Variants in POLR1A observed in about 807,000 individuals in gnomAD.
POLR1A encodes DNA-directed RNA polymerase I subunit RPA1.
Under a neutral mutation model 205.3 loss-of-function variants are expected in POLR1A, and 84 were observed. The observed-to-expected ratio is 0.41, with a 90% CI of 0.34 to 0.49. The LOEUF (loss-of-function observed/expected upper bound fraction) is 0.49, where lower values mean the gene tolerates loss of function less well. Ranked by LOEUF, POLR1A falls within the 20% of genes least tolerant of loss-of-function variation. The pLI is 0.22. For synonymous variants in POLR1A, 799 were observed against 863.7 expected, an observed-to-expected ratio of 0.93 and a Z score of 1.31; for missense variants, 1,645 against 2,204.5, an observed-to-expected ratio of 0.75 and a Z score of 5.08.
Position 86,045,696 on chromosome 2 carries a change from G to A in POLR1A, c.2807C>T (p.Pro936Leu). Residue 936 changes from proline to leucine, a missense_variant, in exon 20 of 34, where the codon CCC (proline) becomes CTC (leucine). Pro to Leu is a moderately conservative substitution (Grantham distance 98). This residue lies in a region of POLR1A where 339 missense variants were observed against 415.1 expected (regional missense o/e 0.82). Transcript: ENST00000263857. ...GGTGAACTCATAAGGCTCAAAGCAG[G>A]GCAGTGACTTGCCAGACGCCATCAG... ...PPLMASGKSL[P>L]CFEPYEFTPR... is the part of the protein sequence containing the mutation. 1 of 1,611,084 alleles carries A rather than the reference G, an allele frequency of 6.2e-7. No homozygotes were observed. Among genetic ancestry groups the A allele is most frequent in the Non-Finnish European group, 8.5e-7 (1 of 1,179,302 alleles).
At chr2:86,087,151 G>A (rs1318200208) in intron 6 of POLR1A, among the ~76,000 whole-genome samples, 3 of 152,096 alleles carry the variant, frequency 2.0e-5, no homozygotes, top group Admixed American at 6.5e-5. Context: ...ATACAGTAGG[G>A]CAAATGAAGT....
rs1573808951 is a variant in POLR1A at position 86,045,728 on chromosome 2, T to G, written c.2775A>C (p.Arg925Ser). ...ACTTGCCAGACGCCATCAGCGGGGG[T>G]CTCCGACCTTCCAGTTCAATCTGGC... ...LLGQIELEGR[R>S]PPLMASGKSL... The change falls in exon 20 of 34, where the codon AGA (arginine) becomes AGC (serine). Residue 925 changes from arginine to serine, a missense_variant. Physicochemically the swap from Arg to Ser is moderately radical, Grantham distance 110. Transcript: ENST00000263857. The G allele has an allele frequency of 6.2e-7, 1 of 1,608,078 alleles. No individual in the cohort carries two copies. Among genetic ancestry groups the G allele is most frequent in the Non-Finnish European group, 8.5e-7 (1 of 1,178,762 alleles).
intron 33 of POLR1A, 68 bp from the exon 34 acceptor site, chr2:86,027,591 T>C (rs1672292426): frequency 1.3e-5 from 18 of 1,365,792 alleles, no homozygotes; most frequent in Non-Finnish European, 1.7e-5. Context: ...GAGGTGATTA[T>C]GGGGCTGAAC....
At chr2:86,103,467 T>C (rs1213476616) in intron 1 of POLR1A, among the ~76,000 whole-genome samples, 6 of 152,208 alleles carry the variant, frequency 3.9e-5, no homozygotes, top group Non-Finnish European at 8.8e-5. Context: ...TATTAGAACC[T>C]GGCACAATAA....
chr2:86,044,107 C>T (rs200714848), intron 22 of POLR1A, 32 bp downstream of exon 22: 63 of 1,608,712 alleles, frequency 3.9e-5, no homozygotes, highest in East Asian at 1.8e-4. Context: ...GCCTACTGCT[C>T]GGCCCCCAGG....
intron 15 of POLR1A, 117 bp from the exon 16 acceptor site, chr2:86,053,117 A>C: frequency 1.9e-6 from 1 of 539,030 alleles, no homozygotes; most frequent in Middle Eastern, 4.9e-4. Flanking sequence ...TGACCCGCCT[A>C]GAATCCTTCA....
At chr2:86,097,961 T>C (rs1051128967) in intron 3 of POLR1A, among the ~76,000 whole-genome samples, 3 of 152,222 alleles carry the variant, frequency 2.0e-5, no homozygotes, top group African/African-American at 7.2e-5. Flanking sequence ...CTGATCACTA[T>C]ACACTGTCTG....
At chr2:86,078,464 T>C (rs889216763) in intron 9 of POLR1A, among the ~76,000 whole-genome samples, 180 bp from the exon 10 acceptor site, 2 of 152,240 alleles carry the variant, frequency 1.3e-5, no homozygotes, top group Admixed American at 1.3e-4. Flanking sequence ...TACATGTCAA[T>C]AAGACATATC....
chr2:86,047,809 G>C (rs763863129), intron 18 of POLR1A, among the ~76,000 whole-genome samples: 8 of 152,204 alleles, frequency 5.3e-5, no homozygotes, highest in African/African-American at 1.9e-4. Flanking sequence ...TGAGAAGGGG[G>C]CTCTGAGTCT....
rs373607912 is a variant in POLR1A at position 86,030,310 on chromosome 2, C to T, written c.4665G>A (p.Ala1555=). The part of the protein sequence containing the change: ...VSLAHGAVIY[A]TKGITRCLLN... The stretch of plus-strand genomic sequence containing the variant: ...GGAGGCACCGAGTGATGCCCTTGGT[C>T]GCATAGATGACGGCACCATGGGCCA... The change falls in exon 31 of 34, where the codon GCG becomes GCA. Residue 1555 remains alanine, a synonymous_variant. Coordinates refer to ENST00000263857, the MANE Select transcript of POLR1A (RefSeq NM_015425.6). 43 of 1,613,782 alleles carry T rather than the reference C, an allele frequency of 2.7e-5. No individual in the cohort carries two copies. Among genetic ancestry groups the T allele is most frequent in the Middle Eastern group, 1.6e-4 (1 of 6,084 alleles).
chr2:86,053,130 GA>G (rs555825585), intron 15 of POLR1A, 130 bp from the exon 16 acceptor site: 221 of 462,264 alleles, frequency 4.8e-4, no homozygotes, highest in Non-Finnish European at 6.9e-4. Flanking sequence ...ATCCTTCATG[GA>G]AAAAAGTAGG....
chr2:86,097,480 T>C (rs1477176912), intron 3 of POLR1A, among the ~76,000 whole-genome samples: 3 of 152,164 alleles, frequency 2.0e-5, no homozygotes, highest in East Asian at 3.8e-4. Flanking sequence ...AGCCAAGATA[T>C]GGAACCAACC....
intron 27 of POLR1A, among the ~76,000 whole-genome samples, chr2:86,034,905 C>A (rs1324505743): frequency 2.0e-5 from 3 of 152,170 alleles, no homozygotes; most frequent in African/African-American, 7.2e-5. Flanking sequence ...TGGAGTCTCT[C>A]TATCCCCCAG....
chr2:86,090,365 G>GA (rs1673579295), intron 3 of POLR1A, among the ~76,000 whole-genome samples: 1 of 139,910 alleles, frequency 7.1e-6, no homozygotes, highest in African/African-American at 2.8e-5. Flanking sequence ...TCCAGCCTGG[G>GA]TACAGAGCCA....
At chr2:86,091,493 A>T (rs1230675868) in intron 3 of POLR1A, among the ~76,000 whole-genome samples, 2 of 152,152 alleles carry the variant, frequency 1.3e-5, no homozygotes, top group Non-Finnish European at 2.9e-5. Flanking sequence ...CAGGGAAAGG[A>T]GGGAGGGTTT....
At chr2:86,098,833 C>G in intron 2 of POLR1A, 73 bp from the exon 3 acceptor site, 2 of 1,445,248 alleles carry the variant, frequency 1.4e-6, no homozygotes, top group Non-Finnish European at 1.9e-6. Flanking sequence ...TCGGTATACT[C>G]ACAAGTTTCT....
At chr2:86,100,668 G>A (rs760561590) in intron 1 of POLR1A, among the ~76,000 whole-genome samples, 4 of 151,782 alleles carry the variant, frequency 2.6e-5, no homozygotes, top group Non-Finnish European at 5.9e-5. Flanking sequence ...CGAGTAGCTG[G>A]GACCACAGAT....
rs573089607 is a variant in POLR1A at position 86,033,881 on chromosome 2, G to A, written c.4035-94C>T. The stretch of plus-strand genomic sequence containing the variant: ...GATAGGACGCTGAGGGATTCCCACA[G>A]GGGATCAGTGCACGAGATGGAGGCC... On this transcript the variant is annotated intron_variant, in intron 27 of 33. Transcript: ENST00000263857. 268 of 1,472,568 alleles carry A rather than the reference G, an allele frequency of 1.8e-4. 1 individual carries two copies. In the African/African-American group the frequency reaches 3.5e-3, roughly 19 times the overall value. 91.2% of individuals were successfully genotyped at this position (1,472,568 alleles called of 1,614,324 possible). A position where few individuals can be genotyped will look rare whatever the true frequency, so the allele number is the denominator to read the frequency against.
At chr2:86,035,060 G>A (rs1043783547) in intron 27 of POLR1A, among the ~76,000 whole-genome samples, 1 of 152,250 alleles carries the variant, frequency 6.6e-6, no homozygotes, top group South Asian at 2.1e-4. Context: ...TAGTAGAAAC[G>A]GGGTTTCACC....
Sources: allele counts gnomAD v4.1 joint callset (sites outside exome capture counted in the v4.1 genomes callset), GRCh38; gene constraint gnomAD v4.1.1; regional missense constraint gnomAD v4.1.1; transcripts MANE v1.5; gene names NCBI Gene and HGNC (gene_info 2026-07-23, HGNC 2026-07-21).